The following ADAMTS2 variants were observed in gnomAD, a reference collection of about 807,000 sequenced individuals.
ADAMTS2 encodes the protein A disintegrin and metalloproteinase with thrombospondin motifs 2.
ADAMTS2 carries 50 observed loss-of-function variants against 123.0 expected under a neutral mutation model. That is an observed-to-expected ratio of 0.41 (90% confidence interval 0.32 to 0.51). The LOEUF is 0.51. ADAMTS2 is among the 20% of genes least tolerant of loss of function. The probability of loss-of-function intolerance (pLI) is 0.35; values close to 1 mark genes in which losing one functional copy is unlikely to be tolerated. For missense variants in ADAMTS2, 1,494 were observed against 1,705.2 expected (o/e 0.88, Z 2.18); for synonymous variants, 678 against 695.4 (o/e 0.98, Z 0.39).
chr5:179,192,606 C>A (rs148811575), intron 4 of ADAMTS2, among the ~76,000 whole-genome samples: 101 of 152,364 alleles, frequency 6.6e-4, no homozygotes, highest in African/African-American at 2.2e-3. Flanking sequence ...TGCTCAGGAT[C>A]AGAAGGGCCA....
intron 2 of ADAMTS2, among the ~76,000 whole-genome samples, chr5:179,301,153 GAAAA>G (rs60799579): frequency 8.1e-6 from 1 of 122,848 alleles, no homozygotes. Flanking sequence ...TGTCCCCCAG[GAAAA>G]AAAAAAAAAA....
rs1756873459 is a variant in ADAMTS2 at position 179,312,978 on chromosome 5, TAGA to T, written c.534+30786_534+30788del. On this transcript the variant is annotated intron_variant, in intron 2 of 21. Transcript: ENST00000251582. This position sits in a 1 kb window ranked among gnomAD's most constrained non-coding sequence, Gnocchi z 4.2. ...ACTAAAAGTGGTGAGAGAATTATGG[TAGA>T]AGAATGGGGCTGGGAGGGGCAGCAG... Among the ~76,000 whole-genome samples the T allele has an allele frequency of 6.6e-6, 1 of 152,070 alleles. No homozygotes were observed. The highest frequency in any genetic ancestry group is 1.5e-5 in the Non-Finnish European group (1 of 68,000).
chr5:179,288,008 G>A (rs1756074628), intron 2 of ADAMTS2, among the ~76,000 whole-genome samples: 2 of 152,236 alleles, frequency 1.3e-5, no homozygotes, highest in African/African-American at 4.8e-5. Flanking sequence ...GAGAGTTGAT[G>A]GTGAGACTCA....
rs1756853298 is a variant in ADAMTS2, at chr5:179,312,221, T to G, written c.534+31546A>C. Reference sequence around the variant, plus strand: ...TGCGGTGAGTCCAAGGATCCTGAGATGGAGTGACTGCTGGATTTTCCGGGT... The same window carrying G: ...TGCGGTGAGTCCAAGGATCCTGAGAGGGAGTGACTGCTGGATTTTCCGGGT... On this transcript the variant is annotated intron_variant, in intron 2 of 21. Transcript: ENST00000251582. This position sits in a 1 kb window ranked among gnomAD's most constrained non-coding sequence, Gnocchi z 4.2. Among the ~76,000 whole-genome samples, 1 of 152,092 alleles carries G rather than the reference T, an allele frequency of 6.6e-6. No individual in the cohort carries two copies. The highest frequency in any genetic ancestry group is 6.5e-5 in the Admixed American group (1 of 15,276).
rs1304342198 is a variant in ADAMTS2, at chr5:179,158,480, T to A, written c.1132+243A>T. Among the ~76,000 whole-genome samples, 1 of 152,230 alleles carries A rather than the reference T, an allele frequency of 6.6e-6. No homozygotes were observed. The highest frequency in any genetic ancestry group is 1.5e-5 in the Non-Finnish European group (1 of 68,040). On this transcript the variant is annotated intron_variant, in intron 6 of 21. Transcript: ENST00000251582. This position sits in a 1 kb window ranked among gnomAD's most constrained non-coding sequence, Gnocchi z 5.0. ...TGTTTTCCTCCTCTTCTCTGAAATG[T>A]CACTTTTGTGACACATTAGCGTCCC...
intron 21 of ADAMTS2, among the ~76,000 whole-genome samples, chr5:179,114,985 C>T (rs536355170): frequency 1.3e-5 from 2 of 152,196 alleles, no homozygotes; most frequent in African/African-American, 4.8e-5. Flanking sequence ...TACCCAACAA[C>T]CTCATTTCCA....
At chr5:179,329,164 A>G (rs371571906) in intron 2 of ADAMTS2, among the ~76,000 whole-genome samples, 1 of 152,064 alleles carries the variant, frequency 6.6e-6, no homozygotes, top group African/African-American at 2.4e-5. Flanking sequence ...CGTCTCTACT[A>G]AAAATACAAA....
At chr5:179,143,287 A>G (rs993559554) in intron 10 of ADAMTS2, among the ~76,000 whole-genome samples, 1 of 152,186 alleles carries the variant, frequency 6.6e-6, no homozygotes, top group Non-Finnish European at 1.5e-5. Flanking sequence ...TACAAAAATT[A>G]GCCAGGCATG....
chr5:179,301,331 G>A (rs183024771), intron 2 of ADAMTS2, among the ~76,000 whole-genome samples: 3 of 152,208 alleles, frequency 2.0e-5, no homozygotes, highest in East Asian at 3.9e-4. Context: ...CTGCTTTTCC[G>A]TGTCTAAAAT....
In ADAMTS2 at chr5:179,115,949, C is replaced by T. The variant is rs932366127; in HGVS notation, c.3179-1625G>A. Among the ~76,000 whole-genome samples the T allele has an allele frequency of 3.3e-5, 5 of 152,226 alleles. No individual in the cohort carries two copies. The South Asian group carries it at 6.2e-4, about 19-fold the overall frequency. Reference sequence around the variant, plus strand: ...AACCCCTGAAGCTTCAGACTTGCTACAAGCCAAATCCACCAAGGGCCTGTG... The same window carrying T: ...AACCCCTGAAGCTTCAGACTTGCTATAAGCCAAATCCACCAAGGGCCTGTG... On this transcript the variant is annotated intron_variant, in intron 21 of 21. Transcript: ENST00000251582. The surrounding 1 kb of genome is among the most constrained non-coding windows in gnomAD (Gnocchi z 4.4).
chr5:179,181,091 A>G lies in ADAMTS2; in HGVS notation c.956T>C (p.Ile319Thr). Residue 319 changes from isoleucine to threonine, a missense_variant, in exon 5 of 22, where the codon ATC becomes ACC. Ile to Thr is a moderately conservative substitution (Grantham distance 89, BLOSUM62 -1). This residue lies in a region of ADAMTS2 where 70 missense variants were observed against 85.3 expected (regional missense o/e 0.82). Transcript: ENST00000251582. This position sits in a 1 kb window ranked among gnomAD's most constrained non-coding sequence, Gnocchi z 4.1. ...ACTCACCTTTCCATAGCTCAGGAGG[A>G]TGATCCGCACCAGGACCACGTTGAT... ...AHINVVLVRI[I>T]LLSYGKSMSL... 1.2e-6 allele frequency: 2 copies of G among 1,613,694 alleles called. No individual in the cohort carries two copies. The highest frequency in any genetic ancestry group is 1.7e-6 in the Non-Finnish European group (2 of 1,179,880).
At chr5:179,134,542 G>A (rs1763018696) in intron 13 of ADAMTS2, among the ~76,000 whole-genome samples, 1 of 152,112 alleles carries the variant, frequency 6.6e-6, no homozygotes, top group South Asian at 2.1e-4. Flanking sequence ...AGTGACATTG[G>A]CCTCCCCACG....
intron 2 of ADAMTS2, among the ~76,000 whole-genome samples, chr5:179,279,870 G>A (rs1212939472): frequency 6.6e-6 from 1 of 152,260 alleles, no homozygotes; most frequent in African/African-American, 2.4e-5. Context: ...TTTTCCAAAA[G>A]GGACGCCAGC....
At chr5:179,294,280 G>A (rs1408705401) in intron 2 of ADAMTS2, among the ~76,000 whole-genome samples, 4 of 152,174 alleles carry the variant, frequency 2.6e-5, no homozygotes, top group East Asian at 1.9e-4. Context: ...ACTGGGAACC[G>A]GGAGAAAGAT....
At chr5:179,195,866 C>G (rs1764417371) in intron 4 of ADAMTS2, among the ~76,000 whole-genome samples, 1 of 152,236 alleles carries the variant, frequency 6.6e-6, no homozygotes, top group South Asian at 2.1e-4. Flanking sequence ...AGACCCTGAA[C>G]CCCGCTTGCC....
rs1007129063 is a variant in ADAMTS2 at position 179,262,057 on chromosome 5, C to T, written c.688+10854G>A. 6.6e-6 allele frequency among the ~76,000 whole-genome samples: 1 copy of T among 152,188 alleles called. No individual in the cohort carries two copies. The highest frequency in any genetic ancestry group is 1.5e-5 in the Non-Finnish European group (1 of 68,012). ...GAACACATGGGTCTTGGCCTTGGCA[C>T]CTTCTTTCCTGGGAAAACACCTCCC... is the stretch of plus-strand genomic sequence containing the variant. On this transcript the variant is annotated intron_variant, in intron 3 of 21. Transcript: ENST00000251582. The surrounding 1 kb of genome is among the most constrained non-coding windows in gnomAD (Gnocchi z 5.9).
chr5:179,164,251 G>C (rs922406387), intron 5 of ADAMTS2, among the ~76,000 whole-genome samples: 6 of 152,218 alleles, frequency 3.9e-5, no homozygotes, highest in African/African-American at 1.4e-4. Context: ...GCTGGGTCTG[G>C]AGCATTCAAG....
Position 179,117,256 on chromosome 5 carries a change from C to A in ADAMTS2, c.3179-2932G>T, listed in dbSNP as rs564618233. Among the ~76,000 whole-genome samples the A allele has an allele frequency of 4.1e-4, 62 of 152,302 alleles. No homozygotes were observed. The highest frequency in any genetic ancestry group is 1.3e-3 in the African/African-American group (54 of 41,576). On this transcript the variant is annotated intron_variant, in intron 21 of 21. Coordinates refer to ENST00000251582, the MANE Select transcript of ADAMTS2 (RefSeq NM_014244.5). This position sits in a 1 kb window ranked among gnomAD's most constrained non-coding sequence, Gnocchi z 4.2. ...ATGGTGGCCTCCCTTCTCCCTACCC[C>A]ATAGGCTTTGACAAAGGAGGGAGCC...
In ADAMTS2 at chr5:179,207,541, T is replaced by G. The variant is rs368893222; in HGVS notation, c.863A>C (p.Gln288Pro). ...VVQFHGKEHV[Q>P]KYLLTLMNIV... Reference sequence around the variant, plus strand: ...GTTCATGAGTGTCAGCAGGTACTTCTGTACGTGCTCCTTCCCGTGGAACTG... The same window carrying G: ...GTTCATGAGTGTCAGCAGGTACTTCGGTACGTGCTCCTTCCCGTGGAACTG... Residue 288 changes from glutamine (Q) to proline (P), a missense_variant, in exon 4 of 22, where the codon CAG becomes CCG. Coordinates refer to ENST00000251582, the MANE Select transcript of ADAMTS2 (RefSeq NM_014244.5). The G allele has an allele frequency of 1.3e-6, 2 of 1,503,618 alleles. No individual in the cohort carries two copies. Among genetic ancestry groups the G allele is most frequent in the Non-Finnish European group, 1.8e-6 (2 of 1,111,026 alleles). The allele number at this position is 1,503,618 out of a possible 1,614,324, so 93.1% of individuals were successfully genotyped here.
Sources: allele counts gnomAD v4.1 joint callset (sites outside exome capture counted in the v4.1 genomes callset), GRCh38; gene constraint gnomAD v4.1.1; regional missense constraint gnomAD v4.1.1; non-coding constraint Gnocchi (gnomAD v3.1); transcripts MANE v1.5; gene names NCBI Gene and HGNC (gene_info 2026-07-23, HGNC 2026-07-21).